FOLH1: variants seen among roughly 807,000 people sequenced by gnomAD.
FOLH1 encodes glutamate carboxypeptidase 2.
In FOLH1, 54 loss-of-function variants were observed where a neutral mutation model predicts 93.9. The observed-to-expected ratio is 0.57, with a 90% CI of 0.46 to 0.72. The LOEUF (loss-of-function observed/expected upper bound fraction) is 0.72. Ranked by LOEUF, FOLH1 falls within the 30% of genes least tolerant of loss-of-function variation. The probability of loss-of-function intolerance (pLI) is 0.00; values close to 1 mark genes in which losing one functional copy is unlikely to be tolerated. For synonymous variants in FOLH1, 249 were observed against 303.6 expected, an observed-to-expected ratio of 0.82 and a Z score of 1.87; for missense variants, 571 against 892.5, an observed-to-expected ratio of 0.64 and a Z score of 4.59.
chr11:49,204,018 G>A (rs1863573233), intron 2 of FOLH1, among the ~76,000 whole-genome samples: 1 of 152,198 alleles, frequency 6.6e-6, no homozygotes, highest in African/African-American at 2.4e-5. Context: ...GACAAAAATG[G>A]TATAGTATAA....
At chr11:49,192,207 A>T (rs1456193208) in intron 4 of FOLH1, among the ~76,000 whole-genome samples, 6 of 152,152 alleles carry the variant, frequency 3.9e-5, no homozygotes, top group Non-Finnish European at 8.8e-5. Flanking sequence ...ATAAAAATGT[A>T]TTGTTAATTT....
intron 12 of FOLH1, among the ~76,000 whole-genome samples, chr11:49,166,695 T>C (rs563298182): frequency 6.6e-6 from 1 of 152,306 alleles, no homozygotes; most frequent in African/African-American, 2.4e-5. Flanking sequence ...TTATTTGTAT[T>C]ATTTGAGAAA....
intron 7 of FOLH1, among the ~76,000 whole-genome samples, chr11:49,182,103 C>A (rs183084127): frequency 1.3e-5 from 2 of 151,880 alleles, no homozygotes; most frequent in Non-Finnish European, 1.5e-5. Context: ...CCAAGGAGGG[C>A]GGATCACCTG....
At chr11:49,170,173 C>T (rs961882200) in intron 11 of FOLH1, among the ~76,000 whole-genome samples, 3 of 152,038 alleles carry the variant, frequency 2.0e-5, no homozygotes, top group African/African-American at 7.2e-5. Flanking sequence ...TTATAGCTAA[C>T]GTTTCTGTTA....
At chr11:49,200,894 T>C (rs1186775122) in intron 2 of FOLH1, among the ~76,000 whole-genome samples, 1 of 152,162 alleles carries the variant, frequency 6.6e-6, no homozygotes. Context: ...TGATAAACTT[T>C]TTGATTAGCA....
At chr11:49,156,599 C>A in intron 15 of FOLH1, 118 bp downstream of exon 15, 1 of 979,368 alleles carries the variant, frequency 1.0e-6, no homozygotes, top group East Asian at 2.6e-5. Flanking sequence ...TGAGACTTCT[C>A]CCTCTGCTTT....
chr11:49,188,808 G>A (rs1565195404), intron 4 of FOLH1, among the ~76,000 whole-genome samples: 1 of 152,066 alleles, frequency 6.6e-6, no homozygotes, highest in Non-Finnish European at 1.5e-5. Context: ...GATTTGTTAT[G>A]GAATTGTTAC....
intron 10 of FOLH1, among the ~76,000 whole-genome samples, chr11:49,171,710 C>G (rs1297477709): frequency 6.6e-6 from 1 of 151,982 alleles, no homozygotes; most frequent in East Asian, 1.9e-4. Flanking sequence ...ATCAGCTGGT[C>G]CGTATGATTT....
rs558891295 is a variant in FOLH1 at position 49,161,308 on chromosome 11, C to G, written c.1441-3265G>C. Among the ~76,000 whole-genome samples, 13 of 152,218 alleles carry G rather than the reference C, an allele frequency of 8.5e-5. No homozygotes were observed. In the South Asian group the frequency reaches 1.5e-3, roughly 17 times the overall value. On this transcript the variant is annotated intron_variant, in intron 13 of 18. Coordinates refer to ENST00000256999, the MANE Select transcript of FOLH1 (RefSeq NM_004476.3). ...AACTTGCCTTATGAATCTGGGTGCT[C>G]CTGTGTTATGTGCATATATATTTAG...
rs1274044759 is a variant in FOLH1 at position 49,146,274 on chromosome 11, T to G, written c.*482A>C. ...TTTCTTATGCTATAGAGTGATAACA[T>G]TTACTAAAAGTGTGATTTGATCCAT... On this transcript the variant is annotated 3_prime_UTR_variant, in exon 19 of 19. Transcript: ENST00000256999. Among the ~76,000 whole-genome samples, 1 of 152,226 alleles carries G rather than the reference T, an allele frequency of 6.6e-6. No individual in the cohort carries two copies. The highest frequency in any genetic ancestry group is 2.4e-5 in the African/African-American group (1 of 41,470).
chr11:49,165,382 G>A lies in FOLH1; in HGVS notation c.1373-610C>T, dbSNP rs527394715. On this transcript the variant is annotated intron_variant, in intron 12 of 18. Transcript: ENST00000256999. ...GGCATTTAACCAATCAATATTTGTT[G>A]TAACAATGAATTTGTGAACCAGGTG... is the stretch of plus-strand genomic sequence containing the variant. Among the ~76,000 whole-genome samples the A allele has an allele frequency of 1.3e-4, 20 of 152,266 alleles. 1 individual carries two copies. In the South Asian group the frequency reaches 4.1e-3, roughly 32 times the overall value.
chr11:49,169,228 C>T lies in FOLH1; in HGVS notation c.1339G>A (p.Val447Met), dbSNP rs375484734. 352 of 1,613,110 alleles carry T rather than the reference C, an allele frequency of 2.2e-4. No homozygotes were observed. The highest frequency in any genetic ancestry group is 2.8e-4 in the Non-Finnish European group (327 of 1,179,374). ...GATGAGTCAGCATTAATATAAGCCA[C>T]GCCACGCTCTTGAAGGAGTCTTGAA... ...ENSRLLQERG[V>M]AYINADSSIE... The change falls in exon 12 of 19, where the codon GTG (valine) becomes ATG (methionine). Residue 447 changes from valine to methionine, a missense_variant. By Grantham distance (21) the Val-to-Met change is conservative. Transcript: ENST00000256999.
At chr11:49,160,431 G>T (rs1857558777) in intron 13 of FOLH1, among the ~76,000 whole-genome samples, 1 of 151,568 alleles carries the variant, frequency 6.6e-6, no homozygotes, top group East Asian at 1.9e-4. Flanking sequence ...GTTAACTTGA[G>T]ATCTTTCTAA....
intron 10 of FOLH1, among the ~76,000 whole-genome samples, chr11:49,172,249 T>G (rs933930811): frequency 1.3e-5 from 2 of 152,198 alleles, no homozygotes; most frequent in Non-Finnish European, 2.9e-5. Context: ...AGAAAAATCA[T>G]GAAACATTTT....
chr11:49,163,521 A>T (rs1482874458), intron 13 of FOLH1, among the ~76,000 whole-genome samples: 20 of 138,048 alleles, frequency 1.4e-4, no homozygotes. Context: ...ACCACCCAAG[A>T]GCTCTTTCCC....
intron 13 of FOLH1, among the ~76,000 whole-genome samples, chr11:49,159,085 G>A (rs1345238860): frequency 6.6e-6 from 1 of 152,154 alleles, no homozygotes; most frequent in African/African-American, 2.4e-5. Flanking sequence ...AACAGGGATA[G>A]TTTGACCTCC....
At chr11:49,183,337 G>A (rs764305433) in intron 6 of FOLH1, 95 bp from the exon 7 acceptor site, 4 of 938,204 alleles carry the variant, frequency 4.3e-6, no homozygotes, top group South Asian at 1.9e-5. Context: ...TTTCACATTT[G>A]CTAGAATTGT....
intron 4 of FOLH1, among the ~76,000 whole-genome samples, chr11:49,188,376 G>A (rs185340983): frequency 6.6e-5 from 10 of 151,804 alleles, no homozygotes; most frequent in East Asian, 3.9e-4. Flanking sequence ...TCAGCTGGGC[G>A]TGGTGGCACC....
chr11:49,177,405 T>C (rs1344059610), intron 7 of FOLH1, among the ~76,000 whole-genome samples: 2 of 151,862 alleles, frequency 1.3e-5, no homozygotes, highest in African/African-American at 4.8e-5. Context: ...AACAGAAAAT[T>C]TGCAAAAGGC....
Sources: gnomAD v4.1 joint callset for allele counts (sites outside exome capture counted in the v4.1 genomes callset) on GRCh38, gnomAD v4.1.1 for gene constraint, MANE v1.5 for transcripts, NCBI Gene and HGNC (gene_info 2026-07-23, HGNC 2026-07-21) for gene names.